SEMA3A: variants seen among roughly 807,000 people sequenced by gnomAD.
SEMA3A encodes semaphorin 3A.
SEMA3A carries 29 observed loss-of-function variants against 97.9 expected under a neutral mutation model. That is an observed-to-expected ratio of 0.30 (90% CI 0.22 to 0.40). The LOEUF is 0.40. SEMA3A is among the 10% of genes least tolerant of loss of function. The pLI, the probability that SEMA3A is intolerant of heterozygous loss-of-function variation, is 1.00. For missense variants in SEMA3A, 763 were observed against 951.3 expected (o/e 0.80, Z 2.60); for synonymous variants, 321 against 323.7 (o/e 0.99, Z 0.09).
intron 4 of SEMA3A, among the ~76,000 whole-genome samples, chr7:84,070,717 T>A (rs1562756767): frequency 6.6e-6 from 1 of 152,026 alleles, no homozygotes; most frequent in Non-Finnish European, 1.5e-5. Flanking sequence ...TATACTAAAT[T>A]ATTGAATATT....
chr7:83,974,757 G>GAAAC (rs1789070040), intron 15 of SEMA3A, among the ~76,000 whole-genome samples: 1 of 152,002 alleles, frequency 6.6e-6, no homozygotes, highest in Non-Finnish European at 1.5e-5. Flanking sequence ...TGGTGTATAT[G>GAAAC]GTTTATGTGT....
At chr7:84,366,637 G>A (rs559256616) in intron 2 of SEMA3A, among the ~76,000 whole-genome samples, 4 of 151,292 alleles carry the variant, frequency 2.6e-5, no homozygotes, top group South Asian at 2.1e-4. Context: ...GAAGAACATG[G>A]AACACATACT....
chr7:84,248,082 T>A (rs1799516892), intron 3 of SEMA3A, among the ~76,000 whole-genome samples: 1 of 152,188 alleles, frequency 6.6e-6, no homozygotes, highest in Admixed American at 6.5e-5. Context: ...ACATAAATAA[T>A]CATTCATACT....
In SEMA3A at chr7:83,963,313, G is replaced by A. The variant is rs892954382; in HGVS notation, c.1752C>T (p.Ile584=). Residue 584 remains isoleucine (I), a synonymous_variant, in exon 16 of 17, where the codon ATC becomes ATT. Transcript: ENST00000265362. The stretch of plus-strand genomic sequence containing the variant: ...TGCTACTATTCTCTACACCATAGAT[G>A]ATTCTCTCTTCAGGGCTGTGGCCAT... The part of the protein sequence containing the change: ...NHHGHSPEER[I]IYGVENSSTF... 9 of 1,613,484 alleles carry A rather than the reference G, an allele frequency of 5.6e-6. No homozygotes were observed. The highest frequency in any genetic ancestry group is 7.6e-6 in the Non-Finnish European group (9 of 1,179,924).
intron 1 of SEMA3A, among the ~76,000 whole-genome samples, chr7:84,437,578 T>A (rs1805168607): frequency 6.6e-6 from 1 of 151,736 alleles, no homozygotes; most frequent in Admixed American, 6.6e-5. Flanking sequence ...TTTTTTTTTT[T>A]TAAGTAAAAG....
intron 1 of SEMA3A, among the ~76,000 whole-genome samples, chr7:84,422,053 TTTC>T (rs1425745582): frequency 6.6e-6 from 1 of 151,912 alleles, no homozygotes; most frequent in East Asian, 1.9e-4. Flanking sequence ...GAGAGGAATC[TTTC>T]TTTTTTATTG....
At chr7:84,066,731 T>A (rs1268253481) in intron 4 of SEMA3A, among the ~76,000 whole-genome samples, 1 of 151,802 alleles carries the variant, frequency 6.6e-6, no homozygotes, top group African/African-American at 2.4e-5. Flanking sequence ...GAAGGACCTC[T>A]TCAAGGAGAA....
intron 4 of SEMA3A, among the ~76,000 whole-genome samples, chr7:84,090,781 G>T (rs1273210453): frequency 6.6e-6 from 1 of 151,962 alleles, no homozygotes; most frequent in African/African-American, 2.4e-5. Context: ...AAATTGTGTA[G>T]GTTGGCCGGG....
chr7:84,433,894 A>G (rs1017472081), intron 1 of SEMA3A, among the ~76,000 whole-genome samples: 2 of 152,080 alleles, frequency 1.3e-5, no homozygotes, highest in Admixed American at 6.5e-5. Context: ...GTGTCTGTTC[A>G]TATTCTTCAC....
rs904743344 is a variant in SEMA3A at position 84,005,633 on chromosome 7, G to A, written c.1141-75C>T. ...AATTATAAATTATATAATAACACAT[G>A]GCCTCAATGGTTCTACTTAAAATAG... On this transcript the variant is annotated intron_variant, in intron 10 of 16. Transcript: ENST00000265362. 6.2e-5 allele frequency: 62 copies of A among 1,003,850 alleles called. No individual in the cohort carries two copies. In the South Asian group the frequency reaches 6.6e-4, roughly 11 times the overall value. The allele number at this position is 1,003,850 out of a possible 1,614,324, so 62.2% of individuals were successfully genotyped here. A position where few individuals can be genotyped will look rare whatever the true frequency, so the allele number is the denominator to read the frequency against.
chr7:83,999,277 C>T (rs1304241205), intron 12 of SEMA3A, among the ~76,000 whole-genome samples: 1 of 152,010 alleles, frequency 6.6e-6, no homozygotes, highest in African/African-American at 2.4e-5. Flanking sequence ...TTTAAATTGA[C>T]ATCTTTTTAA....
intron 14 of SEMA3A, among the ~76,000 whole-genome samples, chr7:83,977,516 C>A (rs913696165): frequency 4.6e-5 from 7 of 151,878 alleles, no homozygotes; most frequent in African/African-American, 1.7e-4. Context: ...AATCTAATGT[C>A]TAGAAACTCA....
chr7:84,270,278 C>T (rs1393615792), intron 3 of SEMA3A, among the ~76,000 whole-genome samples: 1 of 151,914 alleles, frequency 6.6e-6, no homozygotes, highest in East Asian at 1.9e-4. Flanking sequence ...ATCTGTGTGT[C>T]AAGTACACAC....
At chr7:84,118,368 T>C (rs933895352) in intron 3 of SEMA3A, among the ~76,000 whole-genome samples, 12 of 152,196 alleles carry the variant, frequency 7.9e-5, no homozygotes, top group Admixed American at 7.2e-4. Context: ...TTGTGCCAAA[T>C]GAAATAAGCT....
intron 1 of SEMA3A, among the ~76,000 whole-genome samples, chr7:84,412,924 A>G (rs974466714): frequency 1.8e-4 from 28 of 151,802 alleles, no homozygotes; most frequent in African/African-American, 6.3e-4. Flanking sequence ...TCCTTCCAAA[A>G]CACACACACA....
chr7:84,151,618 T>C (rs577052554), intron 1 of SEMA3A, among the ~76,000 whole-genome samples: 1 of 152,240 alleles, frequency 6.6e-6, no homozygotes, highest in African/African-American at 2.4e-5. Context: ...GTCTGATTGG[T>C]GTACCTGAAA....
At chr7:83,996,300 C>CTTTTTTTT (rs35148121) in intron 12 of SEMA3A, among the ~76,000 whole-genome samples, 3 of 111,978 alleles carry the variant, frequency 2.7e-5, no homozygotes, top group African/African-American at 3.3e-5. Context: ...TACTAGTAAT[C>CTTTTTTTT]TTTTTTTTTT....
At chr7:84,120,314 T>C (rs1157100778) in intron 3 of SEMA3A, among the ~76,000 whole-genome samples, 1 of 152,200 alleles carries the variant, frequency 6.6e-6, no homozygotes, top group African/African-American at 2.4e-5. Context: ...ATTTGCCATG[T>C]ATCTTTTACC....
intron 15 of SEMA3A, among the ~76,000 whole-genome samples, chr7:83,970,191 C>A (rs1788860523): frequency 6.6e-6 from 1 of 151,984 alleles, no homozygotes; most frequent in African/African-American, 2.4e-5. Context: ...CTGTTAATGA[C>A]AAGAAATAAT....
Sources: allele counts gnomAD v4.1 joint callset (sites outside exome capture counted in the v4.1 genomes callset), GRCh38; gene constraint gnomAD v4.1.1; transcripts MANE v1.5; gene names NCBI Gene and HGNC (gene_info 2026-07-23, HGNC 2026-07-21).